ANXA8: variants seen among roughly 807,000 people sequenced by gnomAD.
ANXA8 encodes annexin A8.
In ANXA8, 9 loss-of-function variants were observed where a neutral mutation model predicts 26.8. The ratio of observed to expected loss-of-function variants is 0.34; its 90% CI spans 0.20 to 0.59. The LOEUF is 0.59. Ranked by LOEUF, ANXA8 falls within the 20% of genes least tolerant of loss-of-function variation. The pLI is 0.84. For synonymous variants in ANXA8, 39 were observed against 94.8 expected (o/e 0.41, Z 3.42); for missense variants, 83 against 238.5 (o/e 0.35, Z 4.29).
At chr10:47,684,773 A>T in the ANXA8 span, among the ~76,000 whole-genome samples, 3 of 150,704 alleles carry the variant, frequency 2.0e-5, no homozygotes, top group African/African-American at 7.4e-5. Context: ...TTTAGTAGAG[A>T]CGGGGTTTTA....
the ANXA8 span, among the ~76,000 whole-genome samples, chr10:47,498,035 G>T: frequency 2.0e-5 from 3 of 151,314 alleles, no homozygotes; most frequent in Non-Finnish European, 4.4e-5. Flanking sequence ...GTTGGAACAG[G>T]GGTCAAGGAG....
At chr10:47,632,347 A>G in the ANXA8 span, among the ~76,000 whole-genome samples, 1 of 150,326 alleles carries the variant, frequency 6.7e-6, no homozygotes, top group Non-Finnish European at 1.5e-5. Flanking sequence ...ACTTGATCCT[A>G]CTTTTGTTTG....
the ANXA8 span, among the ~76,000 whole-genome samples, chr10:47,653,969 A>C: frequency 4.0e-5 from 6 of 150,702 alleles, no homozygotes; most frequent in African/African-American, 1.5e-4. Context: ...AAACAATGGG[A>C]ATGGGTAGGA....
chr10:47,689,192 T>G, the ANXA8 span, among the ~76,000 whole-genome samples: 1 of 151,442 alleles, frequency 6.6e-6, no homozygotes, highest in African/African-American at 2.4e-5. Flanking sequence ...AAGAGAGTCT[T>G]TTTTTGAGAT....
chr10:47,941,607 C>G, the ANXA8 span, among the ~76,000 whole-genome samples: 1 of 146,638 alleles, frequency 6.8e-6, no homozygotes, highest in Non-Finnish European at 1.5e-5. Context: ...TGCTTCACGG[C>G]ACTCCAGCCT....
chr10:47,683,223 A>ATTTTT, the ANXA8 span, among the ~76,000 whole-genome samples: 11 of 110,608 alleles, frequency 9.9e-5, no homozygotes, highest in African/African-American at 2.1e-4. Flanking sequence ...GCATTTACTA[A>ATTTTT]TTTTTTTTTT....
At chr10:47,605,882 T>A in the ANXA8 span, among the ~76,000 whole-genome samples, 1 of 138,676 alleles carries the variant, frequency 7.2e-6, no homozygotes, top group African/African-American at 2.8e-5. Context: ...TTTGAATATA[T>A]AAAATAGACA....
At chr10:47,981,992 T>C in the ANXA8 span, among the ~76,000 whole-genome samples, 1 of 150,192 alleles carries the variant, frequency 6.7e-6, no homozygotes, top group African/African-American at 2.4e-5. Flanking sequence ...CTTCCTGATT[T>C]AAAAACTTAA....
At chr10:47,488,612 TTTTGTTGAAAAGGAATGAGATATACAC>T, upstream of ANXA8, among the ~76,000 whole-genome samples, 1 of 150,322 alleles carries the variant, frequency 6.7e-6, no homozygotes, top group East Asian at 2.0e-4. Flanking sequence ...CTGGAATCTA[TTTTGTTGAAAAGGAATGAGATATACAC>T]ATGCTTTGTA....
the ANXA8 span, among the ~76,000 whole-genome samples, chr10:47,687,105 A>AAAAATAAAAT: frequency 4.6e-3 from 627 of 137,076 alleles, 4 homozygotes; most frequent in Non-Finnish European, 7.3e-3. Context: ...CCCTAACTCA[A>AAAAATAAAAT]AAAATAAAAT....
chr10:47,615,981 T>C, the ANXA8 span, among the ~76,000 whole-genome samples: 1 of 70,850 alleles, frequency 1.4e-5, no homozygotes, highest in African/African-American at 4.3e-5. Flanking sequence ...TCAGAGCCAA[T>C]AGGCATTGAG....
At chr10:47,986,521 C>A in the ANXA8 span, 3 of 305,392 alleles carry the variant, frequency 9.8e-6, no homozygotes, top group African/African-American at 2.2e-5. Context: ...AGCCAGGTGG[C>A]CCCGGCAGGT....
chr10:47,504,492 G>C, the ANXA8 span, among the ~76,000 whole-genome samples: 1 of 96,942 alleles, frequency 1.0e-5, no homozygotes, highest in Non-Finnish European at 2.0e-5. Flanking sequence ...CTCCCTAACA[G>C]GCCATGGCAA....
At chr10:47,714,433 T>C in the ANXA8 span, among the ~76,000 whole-genome samples, 1 of 129,436 alleles carries the variant, frequency 7.7e-6, no homozygotes, top group Non-Finnish European at 1.6e-5. Flanking sequence ...AGACAGCTGA[T>C]GTTATCAGAA....
At chr10:47,701,358 C>T in the ANXA8 span, among the ~76,000 whole-genome samples, 7 of 151,752 alleles carry the variant, frequency 4.6e-5, no homozygotes, top group East Asian at 2.0e-4. Context: ...CTAGCAATCC[C>T]ACTTCTAGGA....
the ANXA8 span, among the ~76,000 whole-genome samples, chr10:47,968,283 C>A: frequency 2.6e-4 from 40 of 151,292 alleles, no homozygotes; most frequent in African/African-American, 8.9e-4. Flanking sequence ...GCTGGAACTG[C>A]CAATAGCCAC....
At chr10:47,656,408 A>C in the ANXA8 span, among the ~76,000 whole-genome samples, 13 of 146,852 alleles carry the variant, frequency 8.9e-5, no homozygotes, top group African/African-American at 2.7e-4. Context: ...AAAAAACCCA[A>C]AAAAAACAAA....
At chr10:47,699,206 GGT>G in the ANXA8 span, among the ~76,000 whole-genome samples, 1 of 149,752 alleles carries the variant, frequency 6.7e-6, no homozygotes, top group Non-Finnish European at 1.5e-5. Flanking sequence ...AAATTAGCCA[GGT>G]GTGGTGGTGC....
the ANXA8 span, chr10:47,690,897 A>T: frequency 6.2e-7 from 1 of 1,611,550 alleles, no homozygotes; most frequent in Non-Finnish European, 8.5e-7. Flanking sequence ...GAGTCCTTCA[A>T]GTAGCTAAGA....
Sources: gnomAD v4.1 joint callset for allele counts (sites outside exome capture counted in the v4.1 genomes callset) on GRCh38, gnomAD v4.1.1 for gene constraint, MANE v1.5 for transcripts, NCBI Gene and HGNC (gene_info 2026-07-23, HGNC 2026-07-21) for gene names.